Variants in PIGX observed in about 807,000 individuals in gnomAD.
PIGX encodes the protein phosphatidylinositol glycan anchor biosynthesis class X.
PIGX carries 24 observed loss-of-function variants against 28.7 expected under a neutral mutation model. That is an observed-to-expected ratio of 0.84 (90% CI 0.60 to 1.17). PIGX has a LOEUF of 1.17. PIGX is among the 50% of genes most tolerant of loss of function. The pLI is 0.00. For synonymous variants in PIGX, 127 were observed against 121.0 expected (o/e 1.05, Z -0.33); for missense variants, 305 against 317.8 (o/e 0.96, Z 0.31).
intron 1 of PIGX, among the ~76,000 whole-genome samples, chr3:196,715,133 G>A (rs1712046002): frequency 6.6e-6 from 1 of 152,062 alleles, no homozygotes; most frequent in African/African-American, 2.4e-5. Context: ...ATCTGGATTG[G>A]TACAAGATAC....
chr3:196,730,083 AG>A lies in PIGX; in HGVS notation c.533-908del, dbSNP rs375802234. Among the ~76,000 whole-genome samples, 7 of 151,718 alleles carry A rather than the reference AG, an allele frequency of 4.6e-5. No individual in the cohort carries two copies. In the South Asian group the frequency reaches 1.5e-3, roughly 32 times the overall value. Reference sequence around the variant, plus strand: ...AGACTGTCTCAAAAAAAAAAAAAAAAGTTAGTAGCACTGTTACTAAAAACCG... The same window carrying A: ...AGACTGTCTCAAAAAAAAAAAAAAAATTAGTAGCACTGTTACTAAAAACCG... On this transcript the variant is annotated intron_variant, in intron 4 of 5. Transcript: ENST00000392391.
chr3:196,723,625 T>TG (rs1712409858), intron 3 of PIGX, among the ~76,000 whole-genome samples: 1 of 151,666 alleles, frequency 6.6e-6, no homozygotes, highest in Non-Finnish European at 1.5e-5. Context: ...TCTTTTTTTT[T>TG]TTTTTTTTAA....
chr3:196,721,023 T>C (rs1712301950), intron 2 of PIGX, among the ~76,000 whole-genome samples: 1 of 152,166 alleles, frequency 6.6e-6, no homozygotes, highest in South Asian at 2.1e-4. Flanking sequence ...ATTGACTGGA[T>C]AATAATGTGC....
At chr3:196,723,918 G>T (rs1392458848) in intron 3 of PIGX, among the ~76,000 whole-genome samples, 2 of 151,582 alleles carry the variant, frequency 1.3e-5, no homozygotes, top group South Asian at 2.1e-4. Context: ...CATTCTGCCT[G>T]TGTCAACCAC....
chr3:196,716,978 C>A, intron 2 of PIGX, 57 bp downstream of exon 2: 2 of 1,040,322 alleles, frequency 1.9e-6, no homozygotes, highest in South Asian at 1.3e-5. Flanking sequence ...TAATTGAGAG[C>A]AAAAAATTGA....
chr3:196,732,680 A>T (rs1712860994), intron 5 of PIGX, among the ~76,000 whole-genome samples: 1 of 152,024 alleles, frequency 6.6e-6, no homozygotes, highest in Non-Finnish European at 1.5e-5. Flanking sequence ...CATTTTTTTG[A>T]ATGACGGTTT....
At chr3:196,729,406 T>C (rs1712655377) in intron 4 of PIGX, among the ~76,000 whole-genome samples, 1 of 151,406 alleles carries the variant, frequency 6.6e-6, no homozygotes, top group African/African-American at 2.4e-5. Context: ...TCTTTCTTTC[T>C]TTCTTATTTT....
In PIGX at chr3:196,734,020, T is replaced by C. The variant is rs1469791740; in HGVS notation, c.*118T>C. ...TTGTCTTCATTTGTGGCCAAAATTA[T>C]GTTTACTAGAGGAAATTTGGGATCA... On this transcript the variant is annotated 3_prime_UTR_variant, in exon 6 of 6. Coordinates refer to ENST00000392391, the MANE Select transcript of PIGX (RefSeq NM_017861.4). The C allele has an allele frequency of 1.0e-5, 7 of 692,904 alleles. No individual in the cohort carries two copies. The highest frequency in any genetic ancestry group is 1.8e-5 in the African/African-American group (1 of 55,884). The allele number at this position is 692,904 out of a possible 1,614,324, so 42.9% of individuals were successfully genotyped here. A position where few individuals can be genotyped will look rare whatever the true frequency, so the allele number is the denominator to read the frequency against.
chr3:196,713,158 C>T, intron 1 of PIGX: 2 of 862,796 alleles, frequency 2.3e-6, no homozygotes, highest in Non-Finnish European at 2.8e-6. Flanking sequence ...ACAAACCCTA[C>T]AAGTTTCTCC....
At position 196,735,595 on chromosome 3, in the gene PIGX, C is replaced by T. The variant is rs1243507599; in HGVS notation, c.*1693C>T. 1 of 152,136 alleles carries T rather than the reference C, an allele frequency of 6.6e-6. No homozygotes were observed. The highest frequency in any genetic ancestry group is 1.5e-5 in the Non-Finnish European group (1 of 68,024). 9.4% of individuals were successfully genotyped at this position (152,136 alleles called of 1,614,324 possible). On this transcript the variant is annotated 3_prime_UTR_variant, in exon 6 of 6. Transcript: ENST00000392391. ...GTAACCCAGTGCCATAAAGCAGAAA[C>T]AGTGACCTTTAAAATGACTAAAATT...
intron 1 of PIGX, among the ~76,000 whole-genome samples, chr3:196,714,367 T>C (rs1366010199): frequency 6.6e-6 from 1 of 151,944 alleles, no homozygotes; most frequent in Admixed American, 6.6e-5. Flanking sequence ...GGGAGGCCGA[T>C]GTGGGAGGAT....
rs1399628532 is a variant in PIGX, at chr3:196,733,415, T to TTATA, written c.634-341_634-340insATAT. Among the ~76,000 whole-genome samples, 1 of 152,084 alleles carries TTATA rather than the reference T, an allele frequency of 6.6e-6. No individual in the cohort carries two copies. The highest frequency in any genetic ancestry group is 2.4e-5 in the African/African-American group (1 of 41,418). The stretch of plus-strand genomic sequence containing the variant: ...ATTTTATTTTACTATTTTTATTTAT[T>TTATA]TATTTATTTATTTGAGACAGAGTCT... On this transcript the variant is annotated intron_variant, in intron 5 of 5. Coordinates refer to ENST00000392391, the MANE Select transcript of PIGX (RefSeq NM_017861.4). The surrounding 1 kb of genome is among the most constrained non-coding windows in gnomAD (Gnocchi z 4.3).
At chr3:196,725,818 C>G (rs531858273) in intron 3 of PIGX, among the ~76,000 whole-genome samples, 1 of 152,276 alleles carries the variant, frequency 6.6e-6, no homozygotes, top group South Asian at 2.1e-4. Context: ...AACTTTTACT[C>G]AGTAGCAGGG....
chr3:196,733,787 C>T lies in PIGX; in HGVS notation c.662C>T (p.Pro221Leu), dbSNP rs374069685. Residue 221 changes from proline (P) to leucine (L), a missense_variant, in exon 6 of 6, where the codon CCA (proline) becomes CTA (leucine). Pro to Leu is a moderately conservative substitution (Grantham distance 98). Transcript: ENST00000392391. This position sits in a 1 kb window ranked among gnomAD's most constrained non-coding sequence, Gnocchi z 4.3. ...TATAAGAATGTGATTCTACAAGTTC[C>T]AGTGGGACTGACTGTACATACCTCT... 1.3e-6 allele frequency: 2 copies of T among 1,590,130 alleles called. No homozygotes were observed. The highest frequency in any genetic ancestry group is 1.3e-5 in the African/African-American group (1 of 74,598).
At chr3:196,732,636 G>T (rs1712859806) in intron 5 of PIGX, among the ~76,000 whole-genome samples, 1 of 151,978 alleles carries the variant, frequency 6.6e-6, no homozygotes, top group Non-Finnish European at 1.5e-5. Context: ...CCATTACTAA[G>T]GTGGTATTCC....
At chr3:196,732,308 G>C (rs1712842028) in intron 5 of PIGX, among the ~76,000 whole-genome samples, 1 of 118,700 alleles carries the variant, frequency 8.4e-6, no homozygotes, top group Admixed American at 1.0e-4. Flanking sequence ...TTGAGACGGA[G>C]TCTCGCTCTG....
At position 196,712,578 on chromosome 3, in the gene PIGX, C is replaced by T. The variant is rs10855; in HGVS notation, c.46C>T (p.Leu16Phe). The T allele has an allele frequency of 2.8e-3, 3,357 of 1,189,840 alleles. 58 individuals carry two copies. The African/African-American group carries it at 0.044, about 16-fold the overall frequency. 73.7% of individuals were successfully genotyped at this position (1,189,840 alleles called of 1,614,324 possible). A position where few individuals can be genotyped will look rare whatever the true frequency, so the allele number is the denominator to read the frequency against. ...GGTTCGGGCGGCCGCCTGGCTGCTCCTCGGGGCGGCGACCGGGCTCACGCG... is the reference window on the plus strand; with the variant it reads ...GGTTCGGGCGGCCGCCTGGCTGCTCTTCGGGGCGGCGACCGGGCTCACGCG... Residue 16 changes from leucine (L) to phenylalanine (F), a missense_variant, in exon 1 of 6, where the codon CTC becomes TTC. Coordinates refer to ENST00000392391, the MANE Select transcript of PIGX (RefSeq NM_017861.4).
At chr3:196,717,553 C>T (rs1712151340) in intron 2 of PIGX, among the ~76,000 whole-genome samples, 1 of 152,156 alleles carries the variant, frequency 6.6e-6, no homozygotes, top group African/African-American at 2.4e-5. Flanking sequence ...AACCTACACA[C>T]ACCCTCTCAT....
At position 196,734,965 on chromosome 3, in the gene PIGX, A is replaced by T. The variant is rs1712947871; in HGVS notation, c.*1063A>T. On this transcript the variant is annotated 3_prime_UTR_variant, in exon 6 of 6. Transcript: ENST00000392391. ...CATTTACTGTTATGATTGGAAAAAAATTAGAAAATAAAGTAAGTGCCATAG... is the reference window on the plus strand; with the variant it reads ...CATTTACTGTTATGATTGGAAAAAATTTAGAAAATAAAGTAAGTGCCATAG... 1.3e-5 allele frequency: 2 copies of T among 152,136 alleles called. No individual in the cohort carries two copies. The highest frequency in any genetic ancestry group is 6.5e-5 in the Admixed American group (1 of 15,270). 9.4% of individuals were successfully genotyped at this position (152,136 alleles called of 1,614,324 possible). A position where few individuals can be genotyped will look rare whatever the true frequency, so the allele number is the denominator to read the frequency against.
Sources: allele counts gnomAD v4.1 joint callset (sites outside exome capture counted in the v4.1 genomes callset), GRCh38; gene constraint gnomAD v4.1.1; non-coding constraint Gnocchi (gnomAD v3.1); transcripts MANE v1.5; gene names NCBI Gene and HGNC (gene_info 2026-07-23, HGNC 2026-07-21).